The following NRG1 variants were observed in gnomAD, a reference collection of about 807,000 sequenced individuals.
The protein encoded by NRG1 is pro-neuregulin-1, membrane-bound isoform.
In NRG1, 18 loss-of-function variants were observed where a neutral mutation model predicts 63.8. That is an observed-to-expected ratio of 0.28 (90% CI 0.19 to 0.42). The LOEUF (loss-of-function observed/expected upper bound fraction) is 0.42, where lower values mean the gene tolerates loss of function less well. NRG1 is among the 10% of genes least tolerant of loss of function. The pLI, the probability that NRG1 is intolerant of heterozygous loss-of-function variation, is 1.00. For missense variants in NRG1, 762 were observed against 814.7 expected, an observed-to-expected ratio of 0.94 and a Z score of 0.79; for synonymous variants, 302 against 301.3, an observed-to-expected ratio of 1.00 and a Z score of -0.02.
At chr8:31,831,932 C>G (rs941765853) in intron 1 of NRG1, among the ~76,000 whole-genome samples, 11 of 152,110 alleles carry the variant, frequency 7.2e-5, no homozygotes, top group Non-Finnish European at 1.3e-4. Context: ...CAAAGGATGA[C>G]AATGACCATA....
At chr8:31,676,867 T>G (rs1807758167) in intron 1 of NRG1, among the ~76,000 whole-genome samples, 1 of 152,196 alleles carries the variant, frequency 6.6e-6, no homozygotes, top group African/African-American at 2.4e-5. Flanking sequence ...CATGGGAAGT[T>G]GTAGAAATGA....
chr8:32,025,143 T>A (rs1817045813), intron 1 of NRG1, among the ~76,000 whole-genome samples: 1 of 152,168 alleles, frequency 6.6e-6, no homozygotes, highest in Non-Finnish European at 1.5e-5. Flanking sequence ...AATATGTAGG[T>A]TAAAATGTAA....
chr8:32,720,548 A>G (rs1188078282), intron 5 of NRG1, among the ~76,000 whole-genome samples: 1 of 152,206 alleles, frequency 6.6e-6, no homozygotes, highest in Non-Finnish European at 1.5e-5. Context: ...GTCAGTGATT[A>G]GTAGAAAATA....
At chr8:32,544,482 TATTTATTTA>T (rs1832871245), upstream of NRG1, among the ~76,000 whole-genome samples, 1 of 133,870 alleles carries the variant, frequency 7.5e-6, no homozygotes, top group Admixed American at 7.3e-5. Flanking sequence ...ATTATTTATT[TATTTATTTA>T]TTTATTTATT....
intron 5 of NRG1, among the ~76,000 whole-genome samples, chr8:32,679,504 G>T (rs1231221707): frequency 6.6e-6 from 1 of 152,062 alleles, no homozygotes; most frequent in African/African-American, 2.4e-5. Context: ...CTCTCTCAAA[G>T]ATGCTGTCAC....
chr8:32,466,796 C>T (rs150102697), intron 1 of NRG1, among the ~76,000 whole-genome samples: 19 of 152,096 alleles, frequency 1.2e-4, no homozygotes, highest in South Asian at 1.0e-3. Flanking sequence ...ATGATTTTCT[C>T]TTTAAATCAG....
At chr8:32,373,439 T>A (rs1809191348) in intron 1 of NRG1, among the ~76,000 whole-genome samples, 1 of 151,770 alleles carries the variant, frequency 6.6e-6, no homozygotes, top group South Asian at 2.1e-4. Flanking sequence ...AAAAATAATT[T>A]TTTTAATTTA....
chr8:31,903,271 CCCGAGTAGCT>C (rs1832246502), intron 1 of NRG1, among the ~76,000 whole-genome samples: 1 of 151,406 alleles, frequency 6.6e-6, no homozygotes, highest in Non-Finnish European at 1.5e-5. Context: ...GCCTCAGCCT[CCCGAGTAGCT>C]GGGACTACAG....
At chr8:32,629,125 G>A (rs974250840) in intron 5 of NRG1, among the ~76,000 whole-genome samples, 9 of 152,248 alleles carry the variant, frequency 5.9e-5, no homozygotes, top group African/African-American at 1.7e-4. Context: ...TATTTGAAGT[G>A]CAGACCTGGG....
intron 1 of NRG1, among the ~76,000 whole-genome samples, chr8:32,560,354 A>G (rs1339021759): frequency 6.6e-6 from 1 of 152,178 alleles, no homozygotes; most frequent in African/African-American, 2.4e-5. Context: ...GTGGTCATAA[A>G]TGCAGAGTTT....
intron 3 of NRG1, 115 bp from the exon 4 acceptor site, chr8:32,614,399 T>A (rs1846931947): frequency 4.3e-6 from 4 of 936,330 alleles, no homozygotes; most frequent in Non-Finnish European, 5.1e-6. Flanking sequence ...CTTTTCTCAC[T>A]CCCTTGCAAT....
chr8:32,317,666 G>A (rs573983920), intron 1 of NRG1, among the ~76,000 whole-genome samples: 52 of 152,238 alleles, frequency 3.4e-4, no homozygotes, highest in African/African-American at 1.2e-3. Context: ...ATCACAGAAC[G>A]TACACAAAGA....
intron 1 of NRG1, among the ~76,000 whole-genome samples, chr8:31,722,812 A>G (rs1397917531): frequency 6.6e-6 from 1 of 152,146 alleles, no homozygotes; most frequent in Non-Finnish European, 1.5e-5. Context: ...TGCCTTTGCC[A>G]TATTACTCCC....
chr8:31,720,363 T>C (rs62506926), intron 1 of NRG1, among the ~76,000 whole-genome samples: 67,011 of 152,058 alleles, frequency 0.44, 15,598 homozygotes, highest in East Asian at 0.68. Context: ...GTGCAGGATG[T>C]GCAGGTTTGT....
At chr8:32,413,680 A>G (rs2129485635) in intron 1 of NRG1, among the ~76,000 whole-genome samples, 1 of 152,308 alleles carries the variant, frequency 6.6e-6, no homozygotes, top group East Asian at 1.9e-4. Flanking sequence ...TGCTTCCCTC[A>G]CAATGATGCT....
At chr8:32,307,518 TAAAGTGTG>T (rs1856324599) in intron 1 of NRG1, among the ~76,000 whole-genome samples, 3 of 152,048 alleles carry the variant, frequency 2.0e-5, no homozygotes, top group African/African-American at 7.2e-5. Context: ...GGTAACATTA[TAAAGTGTG>T]AAAGTGTGGG....
intron 5 of NRG1, among the ~76,000 whole-genome samples, chr8:32,625,897 G>T (rs1338599648): frequency 6.6e-6 from 1 of 150,786 alleles, no homozygotes; most frequent in Non-Finnish European, 1.5e-5. Context: ...GGGTTCAAGC[G>T]ATTCTTTTGC....
At chr8:32,083,062 G>C (rs1020334106) in intron 1 of NRG1, among the ~76,000 whole-genome samples, 1 of 152,140 alleles carries the variant, frequency 6.6e-6, no homozygotes, top group Non-Finnish European at 1.5e-5. Flanking sequence ...TTTTCTAGCT[G>C]GAGATGTGGG....
At chr8:32,651,927 C>T (rs921531877) in intron 5 of NRG1, among the ~76,000 whole-genome samples, 4 of 152,120 alleles carry the variant, frequency 2.6e-5, no homozygotes, top group Admixed American at 6.5e-5. Context: ...CTGGAAGAGA[C>T]TGAAAGATCT....
Sources: allele counts gnomAD v4.1 joint callset (sites outside exome capture counted in the v4.1 genomes callset), GRCh38; gene constraint gnomAD v4.1.1; transcripts MANE v1.5; gene names NCBI Gene and HGNC (gene_info 2026-07-23, HGNC 2026-07-21).